Variants in GMDS observed in about 807,000 individuals in gnomAD.
GMDS encodes GDP-mannose 4,6 dehydratase.
In GMDS, 20 loss-of-function variants were observed where a neutral mutation model predicts 49.9. That is an observed-to-expected ratio of 0.40 (90% CI 0.28 to 0.58). The LOEUF (loss-of-function observed/expected upper bound fraction) is 0.58. Ranked by LOEUF, GMDS falls within the 20% of genes least tolerant of loss-of-function variation. GMDS has a pLI of 0.42. For synonymous variants in GMDS, 177 were observed against 178.6 expected, an observed-to-expected ratio of 0.99 and a Z score of 0.07; for missense variants, 362 against 481.4, an observed-to-expected ratio of 0.75 and a Z score of 2.32.
intron 2 of GMDS, among the ~76,000 whole-genome samples, chr6:2,118,670 G>T (rs1212826718): frequency 6.6e-6 from 1 of 152,126 alleles, no homozygotes; most frequent in Non-Finnish European, 1.5e-5. Flanking sequence ...CTGTTGGTTA[G>T]TTGCTTTGGA....
chr6:1,648,311 A>G (rs965831348), intron 9 of GMDS, among the ~76,000 whole-genome samples: 4 of 152,204 alleles, frequency 2.6e-5, no homozygotes, highest in African/African-American at 4.8e-5. Context: ...TTTCCAATAT[A>G]TCTGGACATT....
chr6:1,735,388 G>C (rs777398432), intron 8 of GMDS, among the ~76,000 whole-genome samples: 2 of 152,236 alleles, frequency 1.3e-5, no homozygotes, highest in Admixed American at 6.5e-5. Context: ...CCACAGTCTT[G>C]TGAGGGAATG....
intron 9 of GMDS, among the ~76,000 whole-genome samples, chr6:1,665,437 G>C (rs1340734471): frequency 6.6e-6 from 1 of 152,142 alleles, no homozygotes; most frequent in African/African-American, 2.4e-5. Flanking sequence ...GGAGGTAATG[G>C]GCCAGCCTAA....
In GMDS at chr6:1,951,683, A is replaced by G. The variant is rs552964527; in HGVS notation, c.643+8184T>C. Reference sequence around the variant, plus strand: ...AAGTGCTGGAATTACAAGCATGACCACCATGCCCGGCCTGATTTTTAATGT... The same window carrying G: ...AAGTGCTGGAATTACAAGCATGACCGCCATGCCCGGCCTGATTTTTAATGT... On this transcript the variant is annotated intron_variant, in intron 6 of 10. Coordinates refer to ENST00000380815, the MANE Select transcript of GMDS (RefSeq NM_001500.4). Among the ~76,000 whole-genome samples, 6 of 150,930 alleles carry G rather than the reference A, an allele frequency of 4.0e-5. No homozygotes were observed. The South Asian group carries it at 1.3e-3, about 32-fold the overall frequency.
chr6:1,911,958 T>C (rs949738589), intron 7 of GMDS, among the ~76,000 whole-genome samples: 1 of 152,186 alleles, frequency 6.6e-6, no homozygotes, highest in African/African-American at 2.4e-5. Context: ...CTCTAAACTC[T>C]TCATAAAAAA....
chr6:1,949,265 T>C (rs1763226660), intron 6 of GMDS, among the ~76,000 whole-genome samples: 1 of 152,210 alleles, frequency 6.6e-6, no homozygotes, highest in African/African-American at 2.4e-5. Flanking sequence ...GTGGGCGTTA[T>C]TAACCTCTCC....
Position 1,847,972 on chromosome 6 carries a change from G to A in GMDS, c.771+82131C>T, listed in dbSNP as rs372741483. ...AGTATAAGACACCCTGGGAGTGTAC[G>A]GCCAAGGCATTAAGCCAAACCATGG... On this transcript the variant is annotated intron_variant, in intron 7 of 10. Transcript: ENST00000380815. Among the ~76,000 whole-genome samples, 16 of 152,132 alleles carry A rather than the reference G, an allele frequency of 1.1e-4. 1 individual carries two copies. The highest frequency in any genetic ancestry group is 3.1e-4 in the African/African-American group (13 of 41,410).
intron 4 of GMDS, among the ~76,000 whole-genome samples, chr6:2,071,543 G>A (rs993491969): frequency 2.6e-5 from 4 of 152,002 alleles, no homozygotes; most frequent in Non-Finnish European, 4.4e-5. Flanking sequence ...AATGCTACAG[G>A]TGTACAAGAA....
intron 9 of GMDS, among the ~76,000 whole-genome samples, chr6:1,672,843 T>G (rs1029868505): frequency 6.6e-6 from 1 of 152,184 alleles, no homozygotes; most frequent in African/African-American, 2.4e-5. Flanking sequence ...GAAACTGCCC[T>G]GAGATGCTAG....
chr6:2,012,864 G>C (rs1433413055), intron 4 of GMDS, among the ~76,000 whole-genome samples: 1 of 152,068 alleles, frequency 6.6e-6, no homozygotes, highest in African/African-American at 2.4e-5. Flanking sequence ...GTGAACATCA[G>C]AGAAAACCCC....
Position 1,812,127 on chromosome 6 carries a change from G to A in GMDS, c.772-69541C>T, listed in dbSNP as rs538549283. ...CAGAGAGAGGAATTCGTTTTGAATG[G>A]TGTAAAAGGTAGATTGGCGCAAAAC... On this transcript the variant is annotated intron_variant, in intron 7 of 10. Coordinates refer to ENST00000380815, the MANE Select transcript of GMDS (RefSeq NM_001500.4). Among the ~76,000 whole-genome samples the A allele has an allele frequency of 2.0e-5, 3 of 152,302 alleles. No homozygotes were observed. The South Asian group carries it at 6.2e-4, about 32-fold the overall frequency.
intron 9 of GMDS, among the ~76,000 whole-genome samples, chr6:1,657,422 C>T (rs908343025): frequency 6.6e-6 from 1 of 152,194 alleles, no homozygotes; most frequent in Non-Finnish European, 1.5e-5. Context: ...ATGACAGCAA[C>T]ATGGCAGATT....
intron 9 of GMDS, among the ~76,000 whole-genome samples, chr6:1,656,711 C>T (rs1421266225): frequency 1.3e-5 from 2 of 151,914 alleles, no homozygotes; most frequent in African/African-American, 2.4e-5. Context: ...TTGCAGTGAG[C>T]CGAGATCGCG....
chr6:1,798,461 G>A (rs1769823707), intron 7 of GMDS, among the ~76,000 whole-genome samples: 1 of 152,160 alleles, frequency 6.6e-6, no homozygotes, highest in Non-Finnish European at 1.5e-5. Context: ...AGAACCTGTA[G>A]AACCACTGAG....
intron 1 of GMDS, among the ~76,000 whole-genome samples, chr6:2,170,295 T>A (rs1777920006): frequency 6.6e-6 from 1 of 152,094 alleles, no homozygotes; most frequent in African/African-American, 2.4e-5. Flanking sequence ...TTGGTTTAAA[T>A]CCATTATCCT....
intron 6 of GMDS, among the ~76,000 whole-genome samples, chr6:1,940,037 C>G (rs1267880296): frequency 6.6e-6 from 1 of 152,010 alleles, no homozygotes; most frequent in African/African-American, 2.4e-5. Flanking sequence ...AGAAACCCTA[C>G]AGGAGGTTCA....
chr6:1,715,720 G>A (rs996574608), intron 9 of GMDS, among the ~76,000 whole-genome samples: 1 of 152,224 alleles, frequency 6.6e-6, no homozygotes, highest in Admixed American at 6.5e-5. Flanking sequence ...AAAAGTTTGA[G>A]AGCTGGGAAT....
Position 1,778,611 on chromosome 6 carries a change from T to C in GMDS, c.772-36025A>G, listed in dbSNP as rs1353855991. The stretch of plus-strand genomic sequence containing the variant: ...CTCGAACTGCAGGATTAGAGTAACA[T>C]TAGTTAACGTGGCCCTCCATTAATT... On this transcript the variant is annotated intron_variant, in intron 7 of 10. Transcript: ENST00000380815. This position sits in a 1 kb window ranked among gnomAD's most constrained non-coding sequence, Gnocchi z 4.6. Among the ~76,000 whole-genome samples the C allele has an allele frequency of 1.3e-5, 2 of 152,154 alleles. No individual in the cohort carries two copies. The highest frequency in any genetic ancestry group is 6.5e-5 in the Admixed American group (1 of 15,270).
chr6:1,733,917 A>G (rs1016977738), intron 8 of GMDS, among the ~76,000 whole-genome samples: 2 of 150,868 alleles, frequency 1.3e-5, no homozygotes, highest in African/African-American at 4.9e-5. Context: ...CCTCTTGAGC[A>G]GGCAGAAGGG....
Sources: gnomAD v4.1 joint callset for allele counts (sites outside exome capture counted in the v4.1 genomes callset) on GRCh38, gnomAD v4.1.1 for gene constraint, Gnocchi (gnomAD v3.1) non-coding constraint, MANE v1.5 for transcripts, NCBI Gene and HGNC (gene_info 2026-07-23, HGNC 2026-07-21) for gene names.